The following PTPRT variants were observed in gnomAD, a reference collection of about 807,000 sequenced individuals.
PTPRT encodes receptor-type tyrosine-protein phosphatase T.
PTPRT carries 56 observed loss-of-function variants against 176.8 expected under a neutral mutation model. That is an observed-to-expected ratio of 0.32 (90% CI 0.26 to 0.40). PTPRT has a LOEUF of 0.40. PTPRT is among the 10% of genes least tolerant of loss of function. The probability of loss-of-function intolerance (pLI) is 1.00; values close to 1 mark genes in which losing one functional copy is unlikely to be tolerated. For missense variants in PTPRT, 1,540 were observed against 1,908.2 expected (o/e 0.81, Z 3.60); for synonymous variants, 783 against 739.0 (o/e 1.06, Z -0.96).
chr20:42,425,240 G>C (rs767485392), intron 9 of PTPRT, among the ~76,000 whole-genome samples: 1 of 152,050 alleles, frequency 6.6e-6, no homozygotes, highest in South Asian at 2.1e-4. Flanking sequence ...TTACTATAAC[G>C]CAATGCAGTC....
At position 42,696,466 on chromosome 20, in the gene PTPRT, T is replaced by TTTTA. The variant is rs1215672137; in HGVS notation, c.860-18308_860-18307insTAAA. Among the ~76,000 whole-genome samples, 172 of 151,588 alleles carry TTTTA rather than the reference T, an allele frequency of 1.1e-3. 2 individuals are homozygous for TTTTA. The highest frequency in any genetic ancestry group is 4.0e-3 in the African/African-American group (164 of 41,332). On this transcript the variant is annotated intron_variant, in intron 6 of 30. Transcript: ENST00000373187. ...CAATAGCCACATGAATTATTTTTTT[T>TTTTA]TTTTTTTGAGACAGAGCCTCGCTCT... is the stretch of plus-strand genomic sequence containing the variant.
intron 7 of PTPRT, among the ~76,000 whole-genome samples, chr20:42,489,546 C>G (rs374639804): frequency 6.6e-6 from 1 of 151,996 alleles, no homozygotes; most frequent in African/African-American, 2.4e-5. Context: ...TCCCCACTCT[C>G]CTACCATGAG....
chr20:42,084,284 T>C (rs992117890), intron 29 of PTPRT, among the ~76,000 whole-genome samples: 1 of 152,214 alleles, frequency 6.6e-6, no homozygotes, highest in African/African-American at 2.4e-5. Flanking sequence ...ACACAGCTGG[T>C]CTGGAGCTCA....
At chr20:42,521,544 C>T (rs1044526517) in intron 7 of PTPRT, among the ~76,000 whole-genome samples, 2 of 152,136 alleles carry the variant, frequency 1.3e-5, no homozygotes, top group Non-Finnish European at 2.9e-5. Flanking sequence ...TATAGCCATT[C>T]AATACTGTAC....
chr20:42,118,172 TATATG>T (rs1163797934), intron 21 of PTPRT, among the ~76,000 whole-genome samples: 1 of 152,138 alleles, frequency 6.6e-6, no homozygotes, highest in Admixed American at 6.5e-5. Flanking sequence ...TTCCTCAAAA[TATATG>T]AGATGACATC....
chr20:42,685,238 C>T (rs1478976711), intron 6 of PTPRT, among the ~76,000 whole-genome samples: 4 of 152,118 alleles, frequency 2.6e-5, no homozygotes, highest in Admixed American at 2.0e-4. Context: ...TTCTGAAGAA[C>T]GCAGAGAAGA....
intron 15 of PTPRT, 96 bp from the exon 16 acceptor site, chr20:42,199,484 A>C: frequency 3.0e-6 from 4 of 1,348,464 alleles, no homozygotes; most frequent in South Asian, 1.5e-5. Context: ...CTCATCCTCA[A>C]CCCCCAAATC....
chr20:42,240,605 C>T (rs2056332951), intron 14 of PTPRT, among the ~76,000 whole-genome samples: 1 of 152,178 alleles, frequency 6.6e-6, no homozygotes, highest in Non-Finnish European at 1.5e-5. Context: ...ACCCATTTAA[C>T]CACCTACCCA....
intron 8 of PTPRT, among the ~76,000 whole-genome samples, chr20:42,461,659 C>A (rs750556529): frequency 6.6e-6 from 1 of 152,166 alleles, no homozygotes; most frequent in Admixed American, 6.5e-5. Flanking sequence ...TCAGATATTG[C>A]CAACTGGTTA....
intron 1 of PTPRT, among the ~76,000 whole-genome samples, chr20:43,027,391 G>A (rs1405783174): frequency 1.3e-5 from 2 of 151,216 alleles, no homozygotes; most frequent in African/African-American, 2.4e-5. Context: ...CAGGAGAATC[G>A]TTTGAACCCA....
intron 1 of PTPRT, among the ~76,000 whole-genome samples, chr20:43,178,871 G>C (rs1056058985): frequency 6.6e-6 from 1 of 152,138 alleles, no homozygotes; most frequent in African/African-American, 2.4e-5. Flanking sequence ...GCAGATGAAG[G>C]GTGAACTCAA....
intron 14 of PTPRT, among the ~76,000 whole-genome samples, chr20:42,237,149 C>A (rs73268899): frequency 6.6e-6 from 1 of 152,108 alleles, no homozygotes; most frequent in African/African-American, 2.4e-5. Flanking sequence ...ATTGACATTG[C>A]GGAACAGAAA....
intron 7 of PTPRT, among the ~76,000 whole-genome samples, chr20:42,512,384 A>G (rs948542270): frequency 6.6e-6 from 1 of 152,114 alleles, no homozygotes; most frequent in Non-Finnish European, 1.5e-5. Context: ...AAGTGGAATC[A>G]CACAATATGT....
intron 7 of PTPRT, among the ~76,000 whole-genome samples, chr20:42,677,526 C>T (rs1335087647): frequency 1.3e-5 from 2 of 152,056 alleles, no homozygotes; most frequent in East Asian, 3.9e-4. Context: ...CTCAGACATA[C>T]AAATGGCACC....
At chr20:42,203,393 T>G (rs569676948) in intron 15 of PTPRT, among the ~76,000 whole-genome samples, 19 of 152,326 alleles carry the variant, frequency 1.2e-4, no homozygotes, top group African/African-American at 4.6e-4. Flanking sequence ...AACTAAGGAC[T>G]GGGCTTCAAC....
At chr20:43,043,907 C>T (rs1986733062) in intron 1 of PTPRT, among the ~76,000 whole-genome samples, 2 of 152,078 alleles carry the variant, frequency 1.3e-5, no homozygotes, top group Non-Finnish European at 2.9e-5. Flanking sequence ...TCAGATTCAG[C>T]GCTTCTTTCT....
intron 1 of PTPRT, among the ~76,000 whole-genome samples, chr20:43,101,814 G>A (rs562427640): frequency 2.0e-5 from 3 of 152,252 alleles, no homozygotes; most frequent in African/African-American, 7.2e-5. Flanking sequence ...TCTCTGAAGA[G>A]GGCAAAAACA....
At chr20:42,994,989 C>A (rs1009418663) in intron 1 of PTPRT, among the ~76,000 whole-genome samples, 2 of 152,056 alleles carry the variant, frequency 1.3e-5, no homozygotes, top group Admixed American at 1.3e-4. Flanking sequence ...GCCAGTTGGC[C>A]AAGAAGAACA....
chr20:42,123,074 C>T (rs1987668027), intron 19 of PTPRT, among the ~76,000 whole-genome samples: 2 of 152,096 alleles, frequency 1.3e-5, no homozygotes, highest in African/African-American at 4.8e-5. Flanking sequence ...GACATGCCAC[C>T]CAGAGCTGGG....
Sources: allele counts gnomAD v4.1 joint callset (sites outside exome capture counted in the v4.1 genomes callset), GRCh38; gene constraint gnomAD v4.1.1; transcripts MANE v1.5; gene names NCBI Gene and HGNC (gene_info 2026-07-23, HGNC 2026-07-21).